The following GNAO1 variants were observed in gnomAD, a reference collection of about 807,000 sequenced individuals.
GNAO1 encodes the protein G protein subunit alpha o1, also known as guanine nucleotide-binding protein G(o) subunit alpha.
For missense variants in GNAO1, 166 were observed against 478.7 expected (o/e 0.35, Z 6.10); for synonymous variants, 164 against 180.7 (o/e 0.91, Z 0.74).
intron 2 of GNAO1, among the ~76,000 whole-genome samples, chr16:56,232,200 T>A (rs2036595184): frequency 6.6e-6 from 1 of 152,312 alleles, no homozygotes; most frequent in Admixed American, 6.5e-5. Flanking sequence ...ATAAAAAAAA[T>A]TCCACAAAAG....
At chr16:56,315,462 A>G (rs2037498571) in intron 3 of GNAO1, among the ~76,000 whole-genome samples, 1 of 152,154 alleles carries the variant, frequency 6.6e-6, no homozygotes, top group Admixed American at 6.5e-5. Flanking sequence ...TTTCTGTCCC[A>G]TTCACCTTAA....
Position 56,259,308 on chromosome 16 carries a change from C to T in GNAO1, c.162-16623C>T, listed in dbSNP as rs988681002. 2.0e-5 allele frequency among the ~76,000 whole-genome samples: 3 copies of T among 152,362 alleles called. 1 individual carries two copies. The East Asian group carries it at 5.8e-4, about 29-fold the overall frequency. On this transcript the variant is annotated intron_variant, in intron 2 of 8. Coordinates refer to ENST00000262493, the MANE Select transcript of GNAO1 (RefSeq NM_020988.3). The stretch of plus-strand genomic sequence containing the variant: ...AAAGAGGCAAATGCCAGGCCTTGCA[C>T]TCAGGAGGTGTTGGGTAAATGTTTA...
intron 6 of GNAO1, chr16:56,347,659 C>T: frequency 2.0e-6 from 2 of 986,004 alleles, no homozygotes; most frequent in South Asian, 4.7e-5. Flanking sequence ...ATCCCCAGGC[C>T]CAGTGCACAA....
At chr16:56,307,103 C>T in intron 3 of GNAO1, 1 of 152,526 alleles carries the variant, frequency 6.6e-6, no homozygotes, top group Non-Finnish European at 1.5e-5. Context: ...AGGCATGCCC[C>T]CACCCAAGTC....
chr16:56,298,844 G>C (rs2037313253), intron 3 of GNAO1, among the ~76,000 whole-genome samples: 1 of 151,836 alleles, frequency 6.6e-6, no homozygotes. Flanking sequence ...GAACCCGGTA[G>C]GCGGAGCTTG....
rs76425135 is a variant in GNAO1, at chr16:56,301,112, C to T, written c.303+25040C>T. ...AGAGCTCTGAAGTCAGCCTGTGTGG[C>T]TGGGGTGGATACAGGCCAGCTGAAG... On this transcript the variant is annotated intron_variant, in intron 3 of 8. Coordinates refer to ENST00000262493, the MANE Select transcript of GNAO1 (RefSeq NM_020988.3). The T allele has an allele frequency of 8.8e-3, 1,344 of 152,376 alleles. 2 individuals are homozygous for T. The highest frequency in any genetic ancestry group is 0.015 in the Non-Finnish European group (993 of 68,064). 9.4% of individuals were successfully genotyped at this position (152,376 alleles called of 1,614,324 possible).
At chr16:56,334,964 A>G in intron 5 of GNAO1, 107 bp downstream of exon 5, 1 of 1,251,756 alleles carries the variant, frequency 8.0e-7, no homozygotes, top group Non-Finnish European at 1.1e-6. Context: ...TGCCCCAGGG[A>G]ACCTGCGGGC....
chr16:56,195,976 A>G (rs1322813859), intron 2 of GNAO1, among the ~76,000 whole-genome samples: 1 of 152,180 alleles, frequency 6.6e-6, no homozygotes, highest in African/African-American at 2.4e-5. Context: ...TCATCAGCCT[A>G]GGAACATTGC....
rs1229815099 is a variant in GNAO1, at chr16:56,348,968, C to T, written c.724-2416C>T. 3.3e-5 allele frequency among the ~76,000 whole-genome samples: 5 copies of T among 152,330 alleles called. No individual in the cohort carries two copies. The East Asian group carries it at 5.8e-4, about 18-fold the overall frequency. ...TTTCTCCAGCTGGACTCTGAGCTCT[C>T]GGAGAGCAGGAGCCTGATGTGGTCA... is the stretch of plus-strand genomic sequence containing the variant. On this transcript the variant is annotated intron_variant, in intron 6 of 8. Transcript: ENST00000262493.
chr16:56,231,781 C>A (rs2036590604), intron 2 of GNAO1, among the ~76,000 whole-genome samples: 1 of 152,222 alleles, frequency 6.6e-6, no homozygotes, highest in African/African-American at 2.4e-5. Context: ...GTTTTTGATT[C>A]CCTGGCAGTC....
intron 3 of GNAO1, among the ~76,000 whole-genome samples, chr16:56,320,202 A>G (rs1341856018): frequency 1.7e-4 from 26 of 152,148 alleles, no homozygotes; most frequent in Non-Finnish European, 1.3e-4. Context: ...CATGCCCCAT[A>G]GAAGAGTCCC....
At chr16:56,343,110 C>CA (rs1282710923) in intron 6 of GNAO1, among the ~76,000 whole-genome samples, 1 of 149,390 alleles carries the variant, frequency 6.7e-6, no homozygotes, top group Admixed American at 6.6e-5. Flanking sequence ...AAAAAAAAAA[C>CA]AAACAAAAAA....
At chr16:56,225,799 A>G (rs577172033) in intron 2 of GNAO1, among the ~76,000 whole-genome samples, 1 of 152,194 alleles carries the variant, frequency 6.6e-6, no homozygotes, top group East Asian at 1.9e-4. Context: ...GAAACACACA[A>G]AGTTAACTAA....
chr16:56,194,662 A>T (rs2036215330), intron 2 of GNAO1: 3 of 163,088 alleles, frequency 1.8e-5, no homozygotes, highest in African/African-American at 7.3e-5. Flanking sequence ...ATTCGGAAAT[A>T]CTCGGGGGAG....
intron 2 of GNAO1, among the ~76,000 whole-genome samples, chr16:56,232,282 A>G (rs898975664): frequency 6.6e-6 from 1 of 152,208 alleles, no homozygotes; most frequent in Non-Finnish European, 1.5e-5. Flanking sequence ...TGAGAAGTTC[A>G]TGGATCTTCA....
At chr16:56,315,665 C>T (rs1251085274) in intron 3 of GNAO1, among the ~76,000 whole-genome samples, 2 of 152,124 alleles carry the variant, frequency 1.3e-5, no homozygotes, top group African/African-American at 2.4e-5. Context: ...ACAGCGTCCC[C>T]ACCCCTTTCC....
At chr16:56,333,203 TTTTTTTC>T (rs1181217410) in intron 4 of GNAO1, among the ~76,000 whole-genome samples, 72 of 134,500 alleles carry the variant, frequency 5.4e-4, no homozygotes, top group African/African-American at 1.8e-3. Context: ...GTGCATTTTC[TTTTTTTC>T]TTTTTTTTTT....
chr16:56,263,493 A>C (rs2036923852), intron 2 of GNAO1, among the ~76,000 whole-genome samples: 1 of 152,206 alleles, frequency 6.6e-6, no homozygotes, highest in Non-Finnish European at 1.5e-5. Context: ...GATGAAGGAA[A>C]ATAAGGAAGA....
chr16:56,200,716 AG>A (rs1358701781), intron 2 of GNAO1, among the ~76,000 whole-genome samples: 1 of 152,232 alleles, frequency 6.6e-6, no homozygotes, highest in African/African-American at 2.4e-5. Context: ...TGATGGTGCC[AG>A]CTGTGGTTGA....
Sources: gnomAD v4.1 joint callset for allele counts (sites outside exome capture counted in the v4.1 genomes callset) on GRCh38, gnomAD v4.1.1 for gene constraint, MANE v1.5 for transcripts, NCBI Gene and HGNC (gene_info 2026-07-23, HGNC 2026-07-21) for gene names.